Variants in PCDHA2 observed in about 807,000 individuals in gnomAD.
PCDHA2 encodes the protein protocadherin alpha 2.
A neutral mutation model predicts 66.0 loss-of-function variants in PCDHA2; 58 were observed. The observed-to-expected ratio is 0.88, with a 90% CI of 0.71 to 1.09. PCDHA2 has a LOEUF of 1.09. PCDHA2 is among the 50% of genes least tolerant of loss of function. PCDHA2 has a pLI of 0.00. For missense variants in PCDHA2, 1,267 were observed against 1,242.3 expected, an observed-to-expected ratio of 1.02 and a Z score of -0.30; for synonymous variants, 634 against 554.0, an observed-to-expected ratio of 1.14 and a Z score of -2.03.
Position 140,877,206 on chromosome 5 carries a change from C to A in PCDHA2, c.2388+79854C>A, listed in dbSNP as rs782807049. 10 of 1,613,650 alleles carry A rather than the reference C, an allele frequency of 6.2e-6. No homozygotes were observed. The highest frequency in any genetic ancestry group is 8.5e-6 in the Non-Finnish European group (10 of 1,179,798). On this transcript the variant is annotated intron_variant, in intron 1 of 3. Transcript: ENST00000526136. ...CTGGCAGCGCAGGAGGCGCAGTTAG[C>A]GAGTTGGTACCGCGGTCGGTGGGTG...
rs370933207 is a variant in PCDHA2 at position 140,802,114 on chromosome 5, G to A, written c.2388+4762G>A. The stretch of plus-strand genomic sequence containing the variant: ...GTCAATGGACAAATCAGTGTAAAGG[G>A]TAACATAGATTTCGAGGAAAGTAAG... On this transcript the variant is annotated intron_variant, in intron 1 of 3. Coordinates refer to ENST00000526136, the MANE Select transcript of PCDHA2 (RefSeq NM_018905.3). 4.3e-6 allele frequency: 7 copies of A among 1,614,200 alleles called. No individual in the cohort carries two copies. In the South Asian group the frequency reaches 6.6e-5, roughly 15 times the overall value.
rs1554217734 is a variant in PCDHA2, at chr5:140,946,611, A to AATATATATATATATAT, written c.2389-32332_2389-32317dup. Among the ~76,000 whole-genome samples, 269 of 86,770 alleles carry AATATATATATATATAT rather than the reference A, an allele frequency of 3.1e-3. 3 individuals carry two copies. The highest frequency in any genetic ancestry group is 0.011 in the Middle Eastern group (2 of 186). 56.9% of individuals were successfully genotyped at this position (86,770 alleles called of 152,430 possible). A position where few individuals can be genotyped will look rare whatever the true frequency, so the allele number is the denominator to read the frequency against. On this transcript the variant is annotated intron_variant, in intron 1 of 3. Coordinates refer to ENST00000526136, the MANE Select transcript of PCDHA2 (RefSeq NM_018905.3). ...GGATGAATAGATAAAGAAAATGTGAAATATATATATATATATATATACAAT... is the reference window on the plus strand; with the variant it reads ...GGATGAATAGATAAAGAAAATGTGAAATATATATATATATATATATATATATATATATATATACAAT...
In PCDHA2 at chr5:140,858,035, ACTGTG is replaced by A. The variant is rs564025916; in HGVS notation, c.2388+60686_2388+60690del. On this transcript the variant is annotated intron_variant, in intron 1 of 3. Transcript: ENST00000526136. Reference sequence around the variant, plus strand: ...CGAGCCGTCGCTGACGGCCACGGCCACTGTGCTTGTGTCGCTTGTGGAGGGCAGCC... The same window carrying A: ...CGAGCCGTCGCTGACGGCCACGGCCACTTGTGTCGCTTGTGGAGGGCAGCC... The A allele has an allele frequency of 2.7e-4, 428 of 1,597,220 alleles. 17 individuals are homozygous for A. The African/African-American group carries it at 5.1e-3, about 19-fold the overall frequency.
rs376660293 is a variant in PCDHA2 at position 141,011,766 on chromosome 5, A to C, written c.*1829A>C. ...ACCAATCTGACCTCTTTGAAGTTGCAGAATGCTTTGAAATTCTAATGGTAT... is the reference window on the plus strand; with the variant it reads ...ACCAATCTGACCTCTTTGAAGTTGCCGAATGCTTTGAAATTCTAATGGTAT... On this transcript the variant is annotated 3_prime_UTR_variant, in exon 4 of 4. Transcript: ENST00000526136. 2.6e-5 allele frequency: 4 copies of C among 153,796 alleles called. No homozygotes were observed. Among genetic ancestry groups the C allele is most frequent in the Non-Finnish European group, 5.9e-5 (4 of 68,044 alleles). 9.5% of individuals were successfully genotyped at this position (153,796 alleles called of 1,614,324 possible).
chr5:140,858,114 T>C, intron 1 of PCDHA2: 1 of 1,597,256 alleles, frequency 6.3e-7, no homozygotes, highest in Non-Finnish European at 8.6e-7. Flanking sequence ...GCGCCCGAGG[T>C]GGCCCTGGTG....
intron 1 of PCDHA2, among the ~76,000 whole-genome samples, chr5:140,923,645 C>T (rs939799750): frequency 1.1e-4 from 17 of 152,126 alleles, no homozygotes; most frequent in African/African-American, 4.1e-4. Context: ...AATCTTTAGC[C>T]TCCCTTATCT....
chr5:141,010,353 G>T lies in PCDHA2; in HGVS notation c.*416G>T. On this transcript the variant is annotated 3_prime_UTR_variant, in exon 4 of 4. Transcript: ENST00000526136. Reference sequence around the variant, plus strand: ...AGTTTGTGGCCACTGGGTATGTGTGGCTACCGCGGGTATGCGAGTGCCAGA... The same window carrying T: ...AGTTTGTGGCCACTGGGTATGTGTGTCTACCGCGGGTATGCGAGTGCCAGA... The T allele has an allele frequency of 6.6e-7, 1 of 1,507,486 alleles. No homozygotes were observed. Among genetic ancestry groups the T allele is most frequent in the Non-Finnish European group, 8.9e-7 (1 of 1,128,244 alleles). 93.4% of individuals were successfully genotyped at this position (1,507,486 alleles called of 1,614,324 possible).
Position 140,794,970 on chromosome 5 carries a change from G to A in PCDHA2, c.6G>A (p.Ala2=), listed in dbSNP as rs782082810. The A allele has an allele frequency of 1.9e-6, 3 of 1,607,774 alleles. No individual in the cohort carries two copies. The highest frequency in any genetic ancestry group is 3.4e-5 in the Admixed American group (2 of 58,586). The change falls in exon 1 of 4, where the codon GCG becomes GCA. Residue 2 remains alanine, a synonymous_variant. Coordinates refer to ENST00000526136, the MANE Select transcript of PCDHA2 (RefSeq NM_018905.3). ...CAAAACATTGAGGATTGGTAATGGC[G>A]TCTTCTATCAGAAGGGGCCGAGGGG... The part of the protein sequence containing the change: M[A]SSIRRGRGAW...
At chr5:140,823,777 C>T (rs2150129068) in intron 1 of PCDHA2, 1 of 1,613,860 alleles carries the variant, frequency 6.2e-7, no homozygotes, top group Non-Finnish European at 8.5e-7. Flanking sequence ...GCTGGTGTCG[C>T]TGGTGGAAAG....
chr5:140,851,802 T>G (rs1303108162), intron 1 of PCDHA2: 1 of 945,220 alleles, frequency 1.1e-6, no homozygotes, highest in Admixed American at 6.3e-5. Flanking sequence ...GTTCTGTCAG[T>G]AATCCATAAG....
chr5:140,852,926 T>C (rs1274481129), intron 1 of PCDHA2: 1 of 649,848 alleles, frequency 1.5e-6, no homozygotes, highest in Non-Finnish European at 2.0e-6. Flanking sequence ...TTGCCCAGGC[T>C]GGAGTGCAGT....
At chr5:140,826,184 A>G (rs1392626377) in intron 1 of PCDHA2, among the ~76,000 whole-genome samples, 1 of 152,236 alleles carries the variant, frequency 6.6e-6, no homozygotes, top group African/African-American at 2.4e-5. Context: ...CTATAAATCT[A>G]AAGTTAACAA....
chr5:140,836,926 G>A (rs1041643515), intron 1 of PCDHA2: 6 of 510,622 alleles, frequency 1.2e-5, no homozygotes, highest in Non-Finnish European at 1.7e-5. Flanking sequence ...TTTGGGATGC[G>A]TAATACTATA....
intron 1 of PCDHA2, chr5:140,848,897 A>T (rs1554142535): frequency 6.2e-7 from 1 of 1,605,658 alleles, no homozygotes. Context: ...CAGTGTTCCC[A>T]GCGACACAAA....
chr5:140,806,899 C>A, intron 1 of PCDHA2: 2 of 454,470 alleles, frequency 4.4e-6, no homozygotes, highest in Admixed American at 3.9e-5. Context: ...TCCTATTCTC[C>A]GAAACGACTG....
At chr5:140,833,614 T>A (rs1430791887) in intron 1 of PCDHA2, among the ~76,000 whole-genome samples, 2 of 152,120 alleles carry the variant, frequency 1.3e-5, no homozygotes, top group African/African-American at 4.8e-5. Flanking sequence ...AAGCAAAAAA[T>A]TCAGAATACT....
chr5:140,861,632 A>G (rs1314096154), intron 1 of PCDHA2: 8 of 308,696 alleles, frequency 2.6e-5, no homozygotes, highest in Non-Finnish European at 3.9e-5. Context: ...TGTTCTCAGC[A>G]ACACAAAAGA....
chr5:140,964,216 T>C (rs1267795511), intron 1 of PCDHA2, among the ~76,000 whole-genome samples: 1 of 152,214 alleles, frequency 6.6e-6, no homozygotes, highest in Non-Finnish European at 1.5e-5. Context: ...TAGTACAATG[T>C]CTTTCAAAAT....
chr5:140,982,582 T>C lies in PCDHA2; in HGVS notation c.2536+19T>C. On this transcript the variant is annotated intron_variant, in intron 3 of 3. Transcript: ENST00000526136. ...ACACCAGGTAAAGAGCTGGGGTCTC[T>C]CCATTCTTTCTTGGTTTCTGGAAAG... 6.2e-7 allele frequency: 1 copy of C among 1,612,148 alleles called. No homozygotes were observed. Among genetic ancestry groups the C allele is most frequent in the Non-Finnish European group, 8.5e-7 (1 of 1,178,720 alleles).
Sources: allele counts gnomAD v4.1 joint callset (sites outside exome capture counted in the v4.1 genomes callset), GRCh38; gene constraint gnomAD v4.1.1; transcripts MANE v1.5; gene names NCBI Gene and HGNC (gene_info 2026-07-23, HGNC 2026-07-21).